Variants in TENM2 observed in about 807,000 individuals in gnomAD.
TENM2 encodes the protein teneurin transmembrane protein 2.
In TENM2, 52 loss-of-function variants were observed where a neutral mutation model predicts 245.2. The ratio of observed to expected loss-of-function variants is 0.21; its 90% CI spans 0.17 to 0.27. The LOEUF (loss-of-function observed/expected upper bound fraction) is 0.27, where lower values mean the gene tolerates loss of function less well. Among genes scored for constraint, TENM2 ranks in the 10% least tolerant of loss-of-function variants. The probability of loss-of-function intolerance (pLI) is 1.00; values close to 1 mark genes in which losing one functional copy is unlikely to be tolerated. For synonymous variants in TENM2, 1,363 were observed against 1,438.9 expected, an observed-to-expected ratio of 0.95 and a Z score of 1.19; for missense variants, 3,046 against 3,666.8, an observed-to-expected ratio of 0.83 and a Z score of 4.37.
chr5:167,753,924 G>A (rs1178792746), intron 2 of TENM2, among the ~76,000 whole-genome samples: 1 of 152,162 alleles, frequency 6.6e-6, no homozygotes, highest in Non-Finnish European at 1.5e-5. Flanking sequence ...GAGCCATTAT[G>A]CTCCGTCAGT....
intron 5 of TENM2, among the ~76,000 whole-genome samples, chr5:168,043,491 T>C (rs1349753477): frequency 6.6e-6 from 1 of 152,218 alleles, no homozygotes. Flanking sequence ...GCAAATATAG[T>C]GGCCCAAAGT....
At chr5:167,618,647 T>C (rs1218321121) in intron 2 of TENM2, among the ~76,000 whole-genome samples, 1 of 152,140 alleles carries the variant, frequency 6.6e-6, no homozygotes, top group Non-Finnish European at 1.5e-5. Context: ...AGCAGAATAG[T>C]TGTCCCAGCC....
At chr5:167,348,457 C>G (rs1035580784) in intron 1 of TENM2, among the ~76,000 whole-genome samples, 4 of 152,124 alleles carry the variant, frequency 2.6e-5, no homozygotes, top group South Asian at 2.1e-4. Context: ...CTTATCCTGG[C>G]GACAGCTTGC....
the TENM2 span, among the ~76,000 whole-genome samples, chr5:167,042,802 G>A: frequency 7.0e-4 from 107 of 152,186 alleles, 1 homozygote; most frequent in Non-Finnish European, 9.9e-4. Flanking sequence ...TTTTTCTTTC[G>A]GTAGGTCAAT....
At chr5:167,123,851 G>T in the TENM2 span, among the ~76,000 whole-genome samples, 1 of 152,142 alleles carries the variant, frequency 6.6e-6, no homozygotes. Context: ...TTTATGTCTA[G>T]AGCAAGTTAT....
At position 167,423,655 on chromosome 5, in the gene TENM2, C is replaced by T. The variant is rs1000173485; in HGVS notation, c.502+48182C>T. On this transcript the variant is annotated intron_variant, in intron 2 of 28. Coordinates refer to ENST00000518659, the Ensembl canonical transcript of TENM2. ...CTTCTTTGCCACTGAAGCATTCCCA[C>T]GTTGGGCACCCTGGAAAACAATAGT... is the stretch of plus-strand genomic sequence containing the variant. Among the ~76,000 whole-genome samples, 5 of 152,164 alleles carry T rather than the reference C, an allele frequency of 3.3e-5. No individual in the cohort carries two copies. The East Asian group carries it at 5.8e-4, about 18-fold the overall frequency.
chr5:167,920,483 A>G (rs1181374132), intron 3 of TENM2, among the ~76,000 whole-genome samples: 3 of 149,894 alleles, frequency 2.0e-5, no homozygotes, highest in African/African-American at 7.4e-5. Context: ...GTGCCACTGT[A>G]CTGCAGCCTG....
intron 12 of TENM2, among the ~76,000 whole-genome samples, chr5:168,145,094 G>A (rs1441816866): frequency 4.0e-4 from 60 of 150,540 alleles, no homozygotes; most frequent in South Asian, 1.9e-3. Flanking sequence ...TTTGTCAGAT[G>A]AGTAGGTTGC....
intron 12 of TENM2, among the ~76,000 whole-genome samples, chr5:168,154,163 A>AAAAAAAAAAAAAAAAAAAC (rs1756931041): frequency 6.6e-6 from 1 of 151,126 alleles, no homozygotes; most frequent in Non-Finnish European, 1.5e-5. Context: ...AAAAAAAAAA[A>AAAAAAAAAAAAAAAAAAAC]AAACAGTAAG....
chr5:167,204,188 T>G, the TENM2 span, among the ~76,000 whole-genome samples: 1 of 147,342 alleles, frequency 6.8e-6, no homozygotes, highest in Non-Finnish European at 1.5e-5. Flanking sequence ...TGACTGGAAA[T>G]GAAAGAAATA....
At chr5:168,086,030 T>A (rs1240840156) in intron 7 of TENM2, among the ~76,000 whole-genome samples, 1 of 152,228 alleles carries the variant, frequency 6.6e-6, no homozygotes, top group Admixed American at 6.5e-5. Context: ...CCAAATAGCA[T>A]GAAGTCATCC....
At chr5:168,209,858 A>C (rs1188797593) in intron 19 of TENM2, among the ~76,000 whole-genome samples, 2 of 152,168 alleles carry the variant, frequency 1.3e-5, no homozygotes, top group East Asian at 3.8e-4. Flanking sequence ...CAAAGAACTG[A>C]GGGGGACAGG....
chr5:168,118,206 G>A lies in TENM2; in HGVS notation c.1814-86G>A, dbSNP rs1795219773. Reference sequence around the variant, plus strand: ...AGAACACTGTAAGCCAAGCCCCAAGGCCAGACAGCTCTACCTCCTTAGACT... The same window carrying A: ...AGAACACTGTAAGCCAAGCCCCAAGACCAGACAGCTCTACCTCCTTAGACT... On this transcript the variant is annotated intron_variant, in intron 9 of 28. Transcript: ENST00000518659. 3 of 1,169,684 alleles carry A rather than the reference G, an allele frequency of 2.6e-6. No homozygotes were observed. The South Asian group carries it at 6.8e-5, about 26-fold the overall frequency. The allele number at this position is 1,169,684 out of a possible 1,614,324, so 72.5% of individuals were successfully genotyped here.
chr5:167,183,134 A>G, the TENM2 span, among the ~76,000 whole-genome samples: 1 of 152,098 alleles, frequency 6.6e-6, no homozygotes, highest in Non-Finnish European at 1.5e-5. Flanking sequence ...TCTGTGAATC[A>G]TCCCTCATTT....
intron 2 of TENM2, among the ~76,000 whole-genome samples, chr5:167,704,788 T>C (rs1429085025): frequency 7.2e-5 from 11 of 152,030 alleles, no homozygotes; most frequent in African/African-American, 2.2e-4. Context: ...TTTTTGTGCA[T>C]TATCTTTAGG....
At chr5:168,029,649 A>T (rs1786936136) in intron 5 of TENM2, among the ~76,000 whole-genome samples, 1 of 152,222 alleles carries the variant, frequency 6.6e-6, no homozygotes, top group African/African-American at 2.4e-5. Flanking sequence ...AGGGCTGACC[A>T]GAACATAGAG....
intron 9 of TENM2, among the ~76,000 whole-genome samples, chr5:168,101,128 G>C (rs1793781972): frequency 6.6e-6 from 1 of 152,012 alleles, no homozygotes; most frequent in South Asian, 2.1e-4. Context: ...ATGGAGCAAG[G>C]AGAACAGAGA....
At chr5:167,817,305 T>C (rs1490298019) in intron 2 of TENM2, among the ~76,000 whole-genome samples, 2 of 152,184 alleles carry the variant, frequency 1.3e-5, no homozygotes, top group Admixed American at 6.6e-5. Flanking sequence ...GCAAGAAGTG[T>C]GATTAGTACT....
intron 12 of TENM2, among the ~76,000 whole-genome samples, chr5:168,147,938 G>A (rs898143709): frequency 2.6e-5 from 4 of 152,228 alleles, no homozygotes; most frequent in Non-Finnish European, 5.9e-5. Context: ...CATGTACCAA[G>A]TAAAGACAGA....
Sources: gnomAD v4.1 joint callset for allele counts (sites outside exome capture counted in the v4.1 genomes callset) on GRCh38, gnomAD v4.1.1 for gene constraint, MANE v1.5 for transcripts, NCBI Gene and HGNC (gene_info 2026-07-23, HGNC 2026-07-21) for gene names.